Variants in GPC6 observed in about 807,000 individuals in gnomAD.
The protein encoded by GPC6 is glypican 6.
Under a neutral mutation model 55.2 loss-of-function variants are expected in GPC6, and 14 were observed. The observed-to-expected ratio is 0.25, with a 90% CI of 0.17 to 0.40. GPC6 has a LOEUF of 0.40. Among genes scored for constraint, GPC6 ranks in the 10% least tolerant of loss-of-function variants. The pLI, the probability that GPC6 is intolerant of heterozygous loss-of-function variation, is 1.00. For synonymous variants in GPC6, 278 were observed against 259.6 expected, an observed-to-expected ratio of 1.07 and a Z score of -0.68; for missense variants, 641 against 708.5, an observed-to-expected ratio of 0.90 and a Z score of 1.08.
intron 4 of GPC6, among the ~76,000 whole-genome samples, chr13:94,228,994 G>A (rs1253422299): frequency 6.6e-6 from 1 of 152,144 alleles, no homozygotes; most frequent in African/African-American, 2.4e-5. Flanking sequence ...TCTAAATATG[G>A]TAATGTGAAA....
intron 2 of GPC6, among the ~76,000 whole-genome samples, chr13:93,606,968 A>G (rs1380862117): frequency 6.6e-6 from 1 of 152,158 alleles, no homozygotes; most frequent in East Asian, 1.9e-4. Flanking sequence ...TCTTGAATGA[A>G]TATATAATTT....
At chr13:93,393,392 C>T (rs1007839192) in intron 1 of GPC6, among the ~76,000 whole-genome samples, 1 of 151,944 alleles carries the variant, frequency 6.6e-6, no homozygotes, top group African/African-American at 2.4e-5. Flanking sequence ...GATCTGCCCA[C>T]CTCGGCCGCA....
intron 4 of GPC6, among the ~76,000 whole-genome samples, chr13:94,222,647 C>T (rs1050813253): frequency 3.9e-5 from 6 of 152,118 alleles, no homozygotes; most frequent in Non-Finnish European, 7.4e-5. Flanking sequence ...GTATGTCTCA[C>T]CTGTGCCTGG....
intron 2 of GPC6, among the ~76,000 whole-genome samples, chr13:93,797,097 T>TTTCATCCGTTTCTGGTATCAAC (rs1555332193): frequency 5.3e-5 from 8 of 150,950 alleles, no homozygotes; most frequent in African/African-American, 7.3e-5. Flanking sequence ...TTATTTCTGT[T>TTTCATCCGTTTCTGGTATCAAC]AATCTGGGCA....
In GPC6 at chr13:93,466,879, A is replaced by G. The variant is rs536169386; in HGVS notation, c.161-78384A>G. Among the ~76,000 whole-genome samples, 3 of 152,324 alleles carry G rather than the reference A, an allele frequency of 2.0e-5. No homozygotes were observed. In the East Asian group the frequency reaches 5.8e-4, roughly 29 times the overall value. ...TGTTCTTCACTATTAATTGAGTTATAATTCTGGGACACTCACTCAGTCCAA... is the reference window on the plus strand; with the variant it reads ...TGTTCTTCACTATTAATTGAGTTATGATTCTGGGACACTCACTCAGTCCAA... On this transcript the variant is annotated intron_variant, in intron 1 of 8. Transcript: ENST00000377047.
chr13:93,758,339 G>A (rs980170639), intron 2 of GPC6, among the ~76,000 whole-genome samples: 1 of 152,116 alleles, frequency 6.6e-6, no homozygotes, highest in African/African-American at 2.4e-5. Flanking sequence ...TTATGACTGA[G>A]GTATTGAGGG....
chr13:93,458,054 T>C (rs1485257585), intron 1 of GPC6, among the ~76,000 whole-genome samples: 1 of 152,212 alleles, frequency 6.6e-6, no homozygotes, highest in Non-Finnish European at 1.5e-5. Context: ...GGAGTATTTG[T>C]TGGATATACT....
chr13:94,263,786 C>A (rs907289741), intron 4 of GPC6, among the ~76,000 whole-genome samples: 1 of 152,100 alleles, frequency 6.6e-6, no homozygotes, highest in Non-Finnish European at 1.5e-5. Context: ...TCTAAGAAAC[C>A]CTGCAAGGCA....
intron 2 of GPC6, among the ~76,000 whole-genome samples, chr13:93,563,763 A>AT (rs545484695): frequency 6.0e-4 from 92 of 152,126 alleles, no homozygotes; most frequent in African/African-American, 2.0e-3. Context: ...ATGAAAGAAA[A>AT]AAAAAAAAAA....
intron 6 of GPC6, among the ~76,000 whole-genome samples, chr13:94,378,052 G>A (rs561782561): frequency 1.3e-5 from 2 of 152,100 alleles, no homozygotes; most frequent in Non-Finnish European, 2.9e-5. Context: ...GTTGTGGGGT[G>A]GGGGGAGACG....
chr13:93,306,428 T>A (rs1396348469), intron 1 of GPC6, among the ~76,000 whole-genome samples: 5 of 152,122 alleles, frequency 3.3e-5, no homozygotes, highest in Non-Finnish European at 7.4e-5. Flanking sequence ...GGATCTTGAA[T>A]ACATTTAGAA....
chr13:93,992,749 A>C (rs553031095), intron 3 of GPC6, among the ~76,000 whole-genome samples: 1 of 152,314 alleles, frequency 6.6e-6, no homozygotes, highest in African/African-American at 2.4e-5. Flanking sequence ...TTCTCAGAAT[A>C]GACTGTCCTT....
intron 2 of GPC6, among the ~76,000 whole-genome samples, chr13:93,812,446 G>A (rs1313597159): frequency 6.6e-6 from 1 of 151,902 alleles, no homozygotes; most frequent in Non-Finnish European, 1.5e-5. Flanking sequence ...AGGGGAAGGT[G>A]GTTGATCAAC....
At chr13:93,710,576 A>G (rs1482261935) in intron 2 of GPC6, among the ~76,000 whole-genome samples, 1 of 151,776 alleles carries the variant, frequency 6.6e-6, no homozygotes, top group Non-Finnish European at 1.5e-5. Flanking sequence ...AGGAATCGTT[A>G]TCTGTCCACT....
intron 4 of GPC6, among the ~76,000 whole-genome samples, chr13:94,147,741 A>G (rs1026440128): frequency 2.0e-5 from 3 of 152,178 alleles, no homozygotes; most frequent in African/African-American, 7.2e-5. Context: ...TGGGAGGCAT[A>G]GACAACACTA....
intron 1 of GPC6, among the ~76,000 whole-genome samples, chr13:93,496,295 G>GTC (rs1880276094): frequency 1.3e-5 from 2 of 152,136 alleles, no homozygotes; most frequent in Admixed American, 6.5e-5. Flanking sequence ...TTTCAGGTGC[G>GTC]TCCCTCACCC....
At chr13:93,324,519 T>C (rs4773733) in intron 1 of GPC6, among the ~76,000 whole-genome samples, 65,131 of 147,200 alleles carry the variant, frequency 0.44, 16,482 homozygotes, top group East Asian at 0.91. Flanking sequence ...ATGCTTGTAT[T>C]AAAATATCTC....
intron 1 of GPC6, among the ~76,000 whole-genome samples, chr13:93,484,993 A>C (rs984408017): frequency 6.6e-6 from 1 of 152,198 alleles, no homozygotes; most frequent in Non-Finnish European, 1.5e-5. Context: ...TATAGTTTCC[A>C]AGTCAGGAAT....
chr13:93,331,159 T>C (rs964274505), intron 1 of GPC6, among the ~76,000 whole-genome samples: 3 of 152,188 alleles, frequency 2.0e-5, no homozygotes, highest in African/African-American at 7.2e-5. Flanking sequence ...ATAAGAGGTG[T>C]ACTTTGAAGT....
Sources: allele counts gnomAD v4.1 joint callset (sites outside exome capture counted in the v4.1 genomes callset), GRCh38; gene constraint gnomAD v4.1.1; transcripts MANE v1.5; gene names NCBI Gene and HGNC (gene_info 2026-07-23, HGNC 2026-07-21).